CNTNAP5: variants seen among roughly 807,000 people sequenced by gnomAD.
CNTNAP5 encodes contactin associated protein family member 5.
CNTNAP5 carries 72 observed loss-of-function variants against 150.2 expected under a neutral mutation model. The ratio of observed to expected loss-of-function variants is 0.48; its 90% confidence interval spans 0.40 to 0.58. CNTNAP5 has a LOEUF of 0.58. Among genes scored for constraint, CNTNAP5 ranks in the 20% least tolerant of loss-of-function variants. The probability of loss-of-function intolerance (pLI) is 0.00; values close to 1 mark genes in which losing one functional copy is unlikely to be tolerated. For missense variants in CNTNAP5, 1,636 were observed against 1,626.2 expected, an observed-to-expected ratio of 1.01 and a Z score of -0.10; for synonymous variants, 672 against 619.8, an observed-to-expected ratio of 1.08 and a Z score of -1.25.
chr2:124,786,788 T>A (rs544977571), intron 17 of CNTNAP5, among the ~76,000 whole-genome samples: 3 of 152,144 alleles, frequency 2.0e-5, no homozygotes, highest in African/African-American at 7.2e-5. Flanking sequence ...AGAAGATTCA[T>A]GCCTCCAATA....
chr2:124,573,996 G>A (rs563188528), intron 11 of CNTNAP5, among the ~76,000 whole-genome samples: 5 of 152,250 alleles, frequency 3.3e-5, no homozygotes, highest in South Asian at 4.2e-4. Flanking sequence ...TGCCATAAAA[G>A]TTTAGAAATA....
intron 21 of CNTNAP5, among the ~76,000 whole-genome samples, chr2:124,877,075 A>G (rs1218271831): frequency 6.6e-6 from 1 of 152,098 alleles, no homozygotes; most frequent in African/African-American, 2.4e-5. Flanking sequence ...TTTTCCCCAC[A>G]GAGAAATTCA....
intron 3 of CNTNAP5, among the ~76,000 whole-genome samples, chr2:124,325,961 AC>A (rs754127883): frequency 8.4e-4 from 128 of 152,292 alleles, no homozygotes; most frequent in Admixed American, 3.5e-3. Flanking sequence ...CATGAACCAC[AC>A]CAGCTAAAGG....
chr2:124,045,992 C>T lies in CNTNAP5; in HGVS notation c.82+20260C>T, dbSNP rs545174751. On this transcript the variant is annotated intron_variant, in intron 1 of 23. Coordinates refer to ENST00000682447, the MANE Select transcript of CNTNAP5 (RefSeq NM_001367498.1). ...CTTGGATAAAGGTATTTATATTTCA[C>T]CCAATTTCCAAAACGCATCCATGAC... 8.5e-5 allele frequency among the ~76,000 whole-genome samples: 13 copies of T among 152,284 alleles called. No homozygotes were observed. The South Asian group carries it at 2.7e-3, about 32-fold the overall frequency.
chr2:124,865,231 A>T (rs1677606187), intron 19 of CNTNAP5, 75 bp from the exon 20 acceptor site: 1 of 1,230,084 alleles, frequency 8.1e-7, no homozygotes, highest in African/African-American at 1.5e-5. Flanking sequence ...TAATCAATTA[A>T]AAGATAATCT....
intron 19 of CNTNAP5, among the ~76,000 whole-genome samples, chr2:124,857,325 G>C (rs971843561): frequency 6.6e-6 from 1 of 152,148 alleles, no homozygotes; most frequent in Non-Finnish European, 1.5e-5. Context: ...ATGCAAAAGA[G>C]ATGGAACCCT....
intron 11 of CNTNAP5, among the ~76,000 whole-genome samples, chr2:124,601,878 A>C (rs185541026): frequency 4.6e-5 from 7 of 152,296 alleles, no homozygotes; most frequent in Middle Eastern, 3.4e-3. Flanking sequence ...ATCTCAAGGG[A>C]ATTATTTTTA....
At chr2:124,522,087 G>T (rs987627107) in intron 8 of CNTNAP5, among the ~76,000 whole-genome samples, 1 of 152,174 alleles carries the variant, frequency 6.6e-6, no homozygotes, top group Non-Finnish European at 1.5e-5. Context: ...ATGGGTCACA[G>T]CTGCCCAGGT....
chr2:124,334,693 C>T (rs1303945903), intron 3 of CNTNAP5, among the ~76,000 whole-genome samples: 1 of 152,084 alleles, frequency 6.6e-6, no homozygotes, highest in Non-Finnish European at 1.5e-5. Context: ...TGTTTTAGGT[C>T]AGATTTTTGC....
intron 11 of CNTNAP5, among the ~76,000 whole-genome samples, chr2:124,566,085 A>T (rs1307594115): frequency 6.6e-6 from 1 of 152,046 alleles, no homozygotes; most frequent in Non-Finnish European, 1.5e-5. Flanking sequence ...TGGTTCCAAA[A>T]ATATTATCAC....
At chr2:124,115,792 T>TTGTGTGTG (rs5834038) in intron 1 of CNTNAP5, among the ~76,000 whole-genome samples, 25,185 of 138,092 alleles carry the variant, frequency 0.18, 2,570 homozygotes, top group African/African-American at 0.25. Context: ...GCCTGGCTAA[T>TTGTGTGTG]TGTGTGTGTG....
intron 1 of CNTNAP5, among the ~76,000 whole-genome samples, chr2:124,089,024 A>G (rs1029633886): frequency 2.0e-5 from 3 of 152,170 alleles, no homozygotes; most frequent in Non-Finnish European, 2.9e-5. Context: ...GGCACTTTTC[A>G]TCTACCTCAT....
intron 5 of CNTNAP5, 61 bp downstream of exon 5, chr2:124,434,748 A>C: frequency 1.2e-4 from 168 of 1,373,090 alleles, no homozygotes; most frequent in Non-Finnish European, 1.5e-4. Flanking sequence ...TCCACAGCTC[A>C]CAGTGTCTGA....
intron 2 of CNTNAP5, 36 bp from the exon 3 acceptor site, chr2:124,242,164 T>C (rs1309281980): frequency 1.3e-6 from 2 of 1,517,204 alleles, no homozygotes; most frequent in Admixed American, 3.9e-5. Context: ...GAGACATTAC[T>C]ACAACTCTCT....
intron 1 of CNTNAP5, among the ~76,000 whole-genome samples, chr2:124,186,969 G>A (rs1254867292): frequency 6.6e-6 from 1 of 152,152 alleles, no homozygotes; most frequent in Admixed American, 6.5e-5. Flanking sequence ...GGCAAACTTT[G>A]TCTTTGGAAG....
At chr2:124,817,540 A>G (rs1682390963) in intron 19 of CNTNAP5, among the ~76,000 whole-genome samples, 1 of 152,194 alleles carries the variant, frequency 6.6e-6, no homozygotes, top group Non-Finnish European at 1.5e-5. Flanking sequence ...GTTTAAGTCT[A>G]TTCTAACAGA....
chr2:124,131,699 G>A (rs953518132), intron 1 of CNTNAP5, among the ~76,000 whole-genome samples: 3 of 152,128 alleles, frequency 2.0e-5, no homozygotes, highest in African/African-American at 7.2e-5. Context: ...TGAGGAGAGT[G>A]GATGGTTTCT....
intron 3 of CNTNAP5, among the ~76,000 whole-genome samples, chr2:124,287,151 A>G (rs369834421): frequency 3.0e-4 from 46 of 152,280 alleles, no homozygotes; most frequent in African/African-American, 1.1e-3. Context: ...GTTAGCTACA[A>G]TCGGGTGCTT....
rs534609953 is a variant in CNTNAP5, at chr2:124,075,442, C to G, written c.82+49710C>G. ...CAACCTTTTTGTCACAATCACTTTT[C>G]TCATTTATGTTGATAAGTTCATCTT... On this transcript the variant is annotated intron_variant, in intron 1 of 23. Transcript: ENST00000682447. Among the ~76,000 whole-genome samples, 94 of 152,228 alleles carry G rather than the reference C, an allele frequency of 6.2e-4. 1 individual carries two copies. Among genetic ancestry groups the G allele is most frequent in the Admixed American group, 5.4e-3 (82 of 15,274 alleles).
Sources: gnomAD v4.1 joint callset for allele counts (sites outside exome capture counted in the v4.1 genomes callset) on GRCh38, gnomAD v4.1.1 for gene constraint, MANE v1.5 for transcripts, NCBI Gene and HGNC (gene_info 2026-07-23, HGNC 2026-07-21) for gene names.